The following DHX15 variants were observed in gnomAD, a reference collection of about 807,000 sequenced individuals.
DHX15 encodes ATP-dependent RNA helicase DHX15.
DHX15 carries 11 observed loss-of-function variants against 94.4 expected under a neutral mutation model. The ratio of observed to expected loss-of-function variants is 0.12; its 90% CI spans 0.07 to 0.19. The LOEUF is 0.19. Among genes scored for constraint, DHX15 ranks in the 10% least tolerant of loss-of-function variants. The probability of loss-of-function intolerance (pLI) is 1.00; values close to 1 mark genes in which losing one functional copy is unlikely to be tolerated. For missense variants in DHX15, 304 were observed against 988.5 expected (o/e 0.31, Z 9.29); for synonymous variants, 338 against 329.9 (o/e 1.02, Z -0.27).
chr4:24,573,157 C>T (rs1227524843), intron 2 of DHX15, among the ~76,000 whole-genome samples: 6 of 152,158 alleles, frequency 3.9e-5, no homozygotes, highest in Non-Finnish European at 7.4e-5. Flanking sequence ...GTAATCTGCC[C>T]GCCTCAGCAT....
In DHX15 at chr4:24,576,336, A is replaced by T. The variant is rs1483444719; in HGVS notation, c.414T>A (p.Pro138=). Residue 138 remains proline, a synonymous_variant, in exon 2 of 14, where the codon CCT becomes CCA. Coordinates refer to ENST00000336812, the MANE Select transcript of DHX15 (RefSeq NM_001358.3). The part of the protein sequence containing the change: ...YDILKKRLQL[P]VWEYKDRFTD... ...TAAACCTATCCTTGTATTCCCAAAC[A>T]GGGAGCTGAAGACGTTTCTTTAGAA... 3 of 1,614,232 alleles carry T rather than the reference A, an allele frequency of 1.9e-6. No individual in the cohort carries two copies. The highest frequency in any genetic ancestry group is 2.5e-6 in the Non-Finnish European group (3 of 1,180,044).
At chr4:24,542,298 C>A (rs2109397270) in intron 7 of DHX15, among the ~76,000 whole-genome samples, 1 of 152,232 alleles carries the variant, frequency 6.6e-6, no homozygotes, top group East Asian at 1.9e-4. Flanking sequence ...TTCTATCAGG[C>A]TGACCTTGTT....
At chr4:24,580,751 CA>C (rs2109013784) in intron 1 of DHX15, 1 of 152,184 alleles carries the variant, frequency 6.6e-6, no homozygotes, top group South Asian at 2.1e-4. Context: ...CTCCTGACCT[CA>C]GGTGATCCAT....
intron 2 of DHX15, 121 bp from the exon 3 acceptor site, chr4:24,570,968 T>C (rs1722108657): frequency 1.0e-6 from 1 of 1,003,010 alleles, no homozygotes. Context: ...CAAATGACTA[T>C]AAGACTTGTG....
At chr4:24,558,325 T>C (rs1721787031) in intron 3 of DHX15, among the ~76,000 whole-genome samples, 1 of 152,118 alleles carries the variant, frequency 6.6e-6, no homozygotes. Context: ...GTCACAGAAA[T>C]GATAAAATAT....
Position 24,576,434 on chromosome 4 carries a change from C to T in DHX15, c.316G>A (p.Ala106Thr). 1 of 1,614,160 alleles carries T rather than the reference C, an allele frequency of 6.2e-7. No individual in the cohort carries two copies. The highest frequency in any genetic ancestry group is 1.1e-5 in the South Asian group (1 of 91,088). ...CACTGTGGAAGTGACGTGTGACCTG[C>T]ATGTCCGGCATGCGTTGAATGAGCA... The part of the protein sequence containing the change: ...HSAHSTHAGH[A>T]GHTSLPQCIN... The change falls in exon 2 of 14, where the codon GCA (alanine) becomes ACA (threonine). Residue 106 changes from alanine (A) to threonine (T), a missense_variant. Coordinates refer to ENST00000336812, the MANE Select transcript of DHX15 (RefSeq NM_001358.3).
At chr4:24,533,667 A>G (rs1011432870) in intron 11 of DHX15, 10 of 153,468 alleles carry the variant, frequency 6.5e-5, no homozygotes, top group Non-Finnish European at 5.8e-5. Context: ...TATCAAAAGG[A>G]TATTTCTCCA....
chr4:24,581,575 T>C (rs1722417027), intron 1 of DHX15, among the ~76,000 whole-genome samples: 1 of 152,218 alleles, frequency 6.6e-6, no homozygotes, highest in South Asian at 2.1e-4. Context: ...TTATGTTCCC[T>C]GTGGCAAGTT....
Position 24,537,252 on chromosome 4 carries a change from A to AGCTAGG in DHX15, c.1787-85_1787-80dup. 6.3e-7 allele frequency: 1 copy of AGCTAGG among 1,587,042 alleles called. No individual in the cohort carries two copies. Among genetic ancestry groups the AGCTAGG allele is most frequent in the Non-Finnish European group, 8.6e-7 (1 of 1,164,448 alleles). On this transcript the variant is annotated intron_variant, in intron 10 of 13. Coordinates refer to ENST00000336812, the MANE Select transcript of DHX15 (RefSeq NM_001358.3). This position sits in a 1 kb window ranked among gnomAD's most constrained non-coding sequence, Gnocchi z 4.7. ...ATTCACAGATAGAGGAACAAGGCCT[A>AGCTAGG]GCTAGGTCAGTTCACAGAGCATAGG...
At chr4:24,549,611 A>G (rs1721540827) in intron 5 of DHX15, among the ~76,000 whole-genome samples, 1 of 152,198 alleles carries the variant, frequency 6.6e-6, no homozygotes, top group Admixed American at 6.5e-5. Context: ...ATGTTCTGAG[A>G]AATTTGTTAG....
intron 7 of DHX15, among the ~76,000 whole-genome samples, chr4:24,542,458 T>C (rs560121392): frequency 6.6e-6 from 1 of 152,316 alleles, no homozygotes; most frequent in South Asian, 2.1e-4. Flanking sequence ...ATCCAAAAGA[T>C]ATTTGAAAAA....
chr4:24,582,495 A>T (rs944918043), intron 1 of DHX15, among the ~76,000 whole-genome samples: 1 of 152,212 alleles, frequency 6.6e-6, no homozygotes, highest in Non-Finnish European at 1.5e-5. Context: ...CCCTCCCAGA[A>T]TATTTTGTTC....
intron 11 of DHX15, among the ~76,000 whole-genome samples, 170 bp downstream of exon 11, chr4:24,536,880 GA>G (rs1023695901): frequency 6.6e-6 from 1 of 152,124 alleles, no homozygotes; most frequent in African/African-American, 2.4e-5. Context: ...AAACAACTTT[GA>G]AAAAGATTGG....
At chr4:24,572,185 G>A (rs1253266770) in intron 2 of DHX15, among the ~76,000 whole-genome samples, 2 of 152,170 alleles carry the variant, frequency 1.3e-5, no homozygotes, top group Non-Finnish European at 2.9e-5. Flanking sequence ...CTGTTGACCA[G>A]GCTGGAGTGC....
intron 2 of DHX15, among the ~76,000 whole-genome samples, chr4:24,571,299 C>A (rs913920686): frequency 6.6e-6 from 1 of 152,156 alleles, no homozygotes; most frequent in Non-Finnish European, 1.5e-5. Flanking sequence ...TATAAGCCAG[C>A]AGAACCTAAC....
chr4:24,581,659 A>G (rs1204697740), intron 1 of DHX15, among the ~76,000 whole-genome samples: 1 of 152,228 alleles, frequency 6.6e-6, no homozygotes, highest in African/African-American at 2.4e-5. Context: ...CAGTATTAAT[A>G]CATTAGCTTT....
intron 7 of DHX15, 103 bp downstream of exon 7, chr4:24,542,837 G>A (rs2109397736): frequency 2.4e-6 from 2 of 850,242 alleles, no homozygotes; most frequent in East Asian, 5.4e-5. Context: ...TAAAAAAAAA[G>A]ATAGGAAAAT....
At chr4:24,584,257 G>A (rs1722553975) in intron 1 of DHX15, 66 bp downstream of exon 1, 7 of 1,512,886 alleles carry the variant, frequency 4.6e-6, no homozygotes, top group Non-Finnish European at 5.4e-6. Flanking sequence ...GGCCAGCCCC[G>A]GCCCGCTCCC....
chr4:24,532,219 G>A (rs1178804751), intron 12 of DHX15, among the ~76,000 whole-genome samples: 2 of 152,144 alleles, frequency 1.3e-5, no homozygotes, highest in Admixed American at 1.3e-4. Flanking sequence ...CGTTAACACA[G>A]CATACTTAAA....
Sources: gnomAD v4.1 joint callset for allele counts (sites outside exome capture counted in the v4.1 genomes callset) on GRCh38, gnomAD v4.1.1 for gene constraint, Gnocchi (gnomAD v3.1) non-coding constraint, MANE v1.5 for transcripts, NCBI Gene and HGNC (gene_info 2026-07-23, HGNC 2026-07-21) for gene names.